TBL1X: variants seen among roughly 807,000 people sequenced by gnomAD.
TBL1X encodes transducin beta like 1 X-linked, also known as F-box-like/WD repeat-containing protein TBL1X.
A neutral mutation model predicts 50.7 loss-of-function variants in TBL1X; 10 were observed. The ratio of observed to expected loss-of-function variants is 0.20; its 90% CI spans 0.12 to 0.33. The LOEUF is 0.33. Ranked by LOEUF, TBL1X falls within the 10% of genes least tolerant of loss-of-function variation. The pLI is 1.00. For missense variants in TBL1X, 340 were observed against 504.4 expected (o/e 0.67, Z 3.12); for synonymous variants, 190 against 214.7 (o/e 0.88, Z 1.01).
intron 1 of TBL1X, among the ~76,000 whole-genome samples, chrX:9,477,826 A>G (rs1183023785): frequency 3.6e-5 from 4 of 111,431 alleles, no homozygotes; most frequent in Non-Finnish European, 5.7e-5. Flanking sequence ...GTTCTCACCC[A>G]TTTCTGCTCC....
chrX:9,559,024 A>G (rs770858223), intron 2 of TBL1X, among the ~76,000 whole-genome samples: 3 of 112,214 alleles, frequency 2.7e-5, no homozygotes, highest in South Asian at 7.5e-4. Context: ...AATTTTGCAC[A>G]TGTATCAGAA....
At chrX:9,651,859 A>G (rs2082837393) in intron 3 of TBL1X, among the ~76,000 whole-genome samples, 2 of 112,649 alleles carry the variant, frequency 1.8e-5, no homozygotes, top group African/African-American at 3.2e-5. Context: ...AAAGTCTATT[A>G]AGAGTGCAAA....
chrX:9,608,938 G>C (rs1323949316), intron 2 of TBL1X, among the ~76,000 whole-genome samples: 2 of 111,554 alleles, frequency 1.8e-5, no homozygotes, highest in Non-Finnish European at 3.8e-5. Flanking sequence ...AGTATTTTTA[G>C]AAGCAGCAGA....
At chrX:9,701,645 T>C (rs1188811041) in intron 12 of TBL1X, among the ~76,000 whole-genome samples, 1 of 107,267 alleles carries the variant, frequency 9.3e-6, no homozygotes, top group African/African-American at 3.5e-5. Flanking sequence ...AGTTTACAGA[T>C]TTGTGTTGGG....
intron 2 of TBL1X, among the ~76,000 whole-genome samples, chrX:9,589,336 A>T (rs749786004): frequency 4.9e-4 from 53 of 108,344 alleles, no homozygotes; most frequent in Non-Finnish European, 6.3e-4. Context: ...TTGCGTCTGG[A>T]GCCTCTACAG....
Position 9,681,040 on chromosome X carries a change from G to C in TBL1X, c.212-3003G>C, listed in dbSNP as rs180877330. Among the ~76,000 whole-genome samples, 417 of 112,534 alleles carry C rather than the reference G, an allele frequency of 3.7e-3. 2 individuals are homozygous for C. Among genetic ancestry groups the C allele is most frequent in the African/African-American group, 0.013 (398 of 30,983 alleles). ...TCCACACGATCTAGAAATGAAATCT[G>C]TGTTGGAGAGCATAATCATGTAGAG... On this transcript the variant is annotated intron_variant, in intron 5 of 17. Transcript: ENST00000645353.
chrX:9,656,757 A>C lies in TBL1X; in HGVS notation c.211+2435A>C, dbSNP rs548605001. The stretch of plus-strand genomic sequence containing the variant: ...TGTGGAACTTTTTAGAGCACCCTAC[A>C]AGGTTGTATTCAAAGGAAGAAGGGA... On this transcript the variant is annotated intron_variant, in intron 5 of 17. Transcript: ENST00000645353. 2.7e-5 allele frequency among the ~76,000 whole-genome samples: 3 copies of C among 112,316 alleles called. No individual in the cohort carries two copies. The South Asian group carries it at 1.1e-3, about 42-fold the overall frequency.
chrX:9,625,194 T>C (rs2146572269), intron 2 of TBL1X, among the ~76,000 whole-genome samples: 1 of 112,632 alleles, frequency 8.9e-6, no homozygotes, highest in African/African-American at 3.2e-5. Context: ...CACATAAAAG[T>C]TTCATCTTGC....
chrX:9,709,613 G>A lies in TBL1X; in HGVS notation c.1312-20G>A. ...TGCAGGAATGGCTTTTGCTCATGTT[G>A]TGTCTGGTGTGTTCTGTAGATCTGG... is the stretch of plus-strand genomic sequence containing the variant. On this transcript the variant is annotated intron_variant, in intron 14 of 17. Transcript: ENST00000645353. 1 of 1,207,824 alleles carries A rather than the reference G, an allele frequency of 8.3e-7. No individual in the cohort carries two copies. Among genetic ancestry groups the A allele is most frequent in the Middle Eastern group, 2.3e-4 (1 of 4,259 alleles).
At chrX:9,573,786 T>C (rs1222659414) in intron 2 of TBL1X, among the ~76,000 whole-genome samples, 1 of 112,940 alleles carries the variant, frequency 8.9e-6, no homozygotes, top group Non-Finnish European at 1.9e-5. Flanking sequence ...GGGATGTGTC[T>C]GAGCAGCCTA....
chrX:9,553,775 G>A (rs1266371092), intron 2 of TBL1X, among the ~76,000 whole-genome samples: 2 of 112,084 alleles, frequency 1.8e-5, no homozygotes, highest in African/African-American at 3.2e-5. Flanking sequence ...GAAAATAAAC[G>A]TACAAAATTA....
intron 2 of TBL1X, among the ~76,000 whole-genome samples, chrX:9,531,352 A>AGGGT (rs1555965252): frequency 3.1e-5 from 1 of 32,437 alleles, no homozygotes; most frequent in Non-Finnish European, 7.2e-5. Flanking sequence ...AAGAACCTGG[A>AGGGT]GGGTGTGTGT....
At chrX:9,638,569 A>G (rs1462197106) in intron 2 of TBL1X, among the ~76,000 whole-genome samples, 2 of 112,495 alleles carry the variant, frequency 1.8e-5, no homozygotes, top group Admixed American at 9.4e-5. Flanking sequence ...TTAACAACAT[A>G]TATAAGAGAT....
At position 9,492,438 on chromosome X, in the gene TBL1X, CT is replaced by C. The variant is rs201092138; in HGVS notation, c.-200-9335del. Among the ~76,000 whole-genome samples, 998 of 111,775 alleles carry C rather than the reference CT, an allele frequency of 8.9e-3. 10 individuals are homozygous for C. The highest frequency in any genetic ancestry group is 0.031 in the African/African-American group (965 of 30,784). On this transcript the variant is annotated intron_variant, in intron 1 of 17. Transcript: ENST00000645353. The stretch of plus-strand genomic sequence containing the variant: ...AAAAAAATGAGAAAGCCATGTTGTG[CT>C]TTTTTTAACTGCCACTTTTCCAAGT...
intron 5 of TBL1X, among the ~76,000 whole-genome samples, chrX:9,663,781 GGAA>G (rs1228163927): frequency 9.6e-6 from 1 of 104,030 alleles, no homozygotes; most frequent in Non-Finnish European, 2.0e-5. Flanking sequence ...AAAAAAAAAA[GGAA>G]GAAGATTGCA....
intron 12 of TBL1X, among the ~76,000 whole-genome samples, chrX:9,701,683 G>T (rs1365239799): frequency 9.1e-6 from 1 of 110,382 alleles, no homozygotes; most frequent in Non-Finnish European, 1.9e-5. Context: ...CTGGACCGCG[G>T]GTTGAACCAG....
chrX:9,639,768 A>G (rs933706041), intron 2 of TBL1X: 4 of 111,520 alleles, frequency 3.6e-5, no homozygotes, highest in African/African-American at 1.3e-4. Flanking sequence ...TATGCACACA[A>G]ATGTGCCTGG....
chrX:9,715,323 C>T (rs777783993), intron 17 of TBL1X, among the ~76,000 whole-genome samples: 17 of 112,085 alleles, frequency 1.5e-4, no homozygotes, highest in African/African-American at 2.3e-4. Flanking sequence ...CGCTTAATGA[C>T]GGGAACGTTT....
chrX:9,604,168 C>T (rs1411212575), intron 2 of TBL1X, among the ~76,000 whole-genome samples: 4 of 111,736 alleles, frequency 3.6e-5, no homozygotes, highest in African/African-American at 1.3e-4. Context: ...CAGGGTGGCT[C>T]TGTGGCCACA....
Sources: allele counts gnomAD v4.1 joint callset (sites outside exome capture counted in the v4.1 genomes callset), GRCh38; gene constraint gnomAD v4.1.1; transcripts MANE v1.5; gene names NCBI Gene and HGNC (gene_info 2026-07-23, HGNC 2026-07-21).